Variants in TSPAN14 observed in about 807,000 individuals in gnomAD.
TSPAN14 encodes tetraspanin 14, also known as tetraspanin-14.
In TSPAN14, 16 loss-of-function variants were observed where a neutral mutation model predicts 36.6. The observed-to-expected ratio is 0.44, with a 90% CI of 0.30 to 0.66. The LOEUF (loss-of-function observed/expected upper bound fraction) is 0.66. Among genes scored for constraint, TSPAN14 ranks in the 30% least tolerant of loss-of-function variants. The pLI, the probability that TSPAN14 is intolerant of heterozygous loss-of-function variation, is 0.12. For synonymous variants in TSPAN14, 139 were observed against 143.8 expected, an observed-to-expected ratio of 0.97 and a Z score of 0.24; for missense variants, 231 against 355.1, an observed-to-expected ratio of 0.65 and a Z score of 2.81.
At chr10:80,521,241 C>T (rs1423975380) in exon 9 of TSPAN14, 4 of 171,554 alleles carry the variant, frequency 2.3e-5, no homozygotes, top group African/African-American at 7.2e-5. Context: ...AGCCAGCAGT[C>T]TCAGAGGAAC....
chr10:80,490,747 A>G (rs1318750286), intron 2 of TSPAN14, among the ~76,000 whole-genome samples: 1 of 152,164 alleles, frequency 6.6e-6, no homozygotes, highest in Non-Finnish European at 1.5e-5. Flanking sequence ...AGGAGAAGAA[A>G]AATTTGGACA....
intron 1 of TSPAN14, among the ~76,000 whole-genome samples, chr10:80,476,734 TTTTG>T (rs1242109636): frequency 6.6e-6 from 1 of 152,070 alleles, no homozygotes; most frequent in Non-Finnish European, 1.5e-5. Context: ...TTTTGTTTTG[TTTTG>T]TTTTTTTTTA....
chr10:80,504,473 T>A (rs950753509), intron 2 of TSPAN14, among the ~76,000 whole-genome samples: 6 of 152,242 alleles, frequency 3.9e-5, no homozygotes, highest in African/African-American at 1.4e-4. Flanking sequence ...CCATAGTCTC[T>A]CCAGGGTGGA....
chr10:80,507,097 C>A, intron 3 of TSPAN14, 131 bp from the exon 4 acceptor site: 2 of 1,232,794 alleles, frequency 1.6e-6, no homozygotes, highest in South Asian at 1.4e-5. Flanking sequence ...CGGACTCTGG[C>A]CTGGCTGTCA....
exon 9 of TSPAN14, chr10:80,518,111 G>T: frequency 2.2e-6 from 2 of 928,332 alleles, no homozygotes; most frequent in African/African-American, 1.7e-5. Context: ...AGCGTGACGT[G>T]ACCTCTCTGT....
chr10:80,511,584 A>C (rs1054354835), intron 5 of TSPAN14, among the ~76,000 whole-genome samples: 3 of 152,240 alleles, frequency 2.0e-5, no homozygotes, highest in Admixed American at 2.0e-4. Context: ...TGTGCCTGGC[A>C]GTGGGGCCAG....
chr10:80,487,316 C>T (rs1427916775), intron 1 of TSPAN14, among the ~76,000 whole-genome samples: 4 of 122,400 alleles, frequency 3.3e-5, no homozygotes, highest in Admixed American at 8.7e-5. Flanking sequence ...TCAGTATCAC[C>T]GTGGGGGCGG....
At chr10:80,511,366 T>G (rs1466164217) in intron 5 of TSPAN14, among the ~76,000 whole-genome samples, 1 of 152,164 alleles carries the variant, frequency 6.6e-6, no homozygotes, top group East Asian at 1.9e-4. Flanking sequence ...AAAGGGGAAT[T>G]CACTTGCAAG....
intron 1 of TSPAN14, among the ~76,000 whole-genome samples, chr10:80,477,607 G>T (rs1846992344): frequency 6.6e-6 from 1 of 152,184 alleles, no homozygotes; most frequent in Non-Finnish European, 1.5e-5. Context: ...GGGAACGTGG[G>T]CATCAGAGGT....
intron 1 of TSPAN14, among the ~76,000 whole-genome samples, chr10:80,474,700 ATCAC>A (rs1213841269): frequency 6.6e-6 from 1 of 152,118 alleles, no homozygotes; most frequent in Non-Finnish European, 1.5e-5. Flanking sequence ...CTCCAGGGAC[ATCAC>A]TCTCAGGAAG....
intron 1 of TSPAN14, among the ~76,000 whole-genome samples, chr10:80,473,949 TTCTC>T (rs1269567270): frequency 6.6e-6 from 1 of 152,074 alleles, no homozygotes; most frequent in Non-Finnish European, 1.5e-5. Context: ...GCCTTAGTGA[TTCTC>T]TCTCCTACTG....
intron 4 of TSPAN14, among the ~76,000 whole-genome samples, chr10:80,508,433 C>T (rs959418341): frequency 6.6e-6 from 1 of 152,094 alleles, no homozygotes; most frequent in Admixed American, 6.5e-5. Context: ...TATGCTTTTT[C>T]TTACTTTGAA....
At chr10:80,517,950 G>A (rs868739186) in exon 9 of TSPAN14, 1 of 1,565,360 alleles carries the variant, frequency 6.4e-7, no homozygotes, top group Non-Finnish European at 8.7e-7. Flanking sequence ...AGACATCGAG[G>A]CAGTGAAGGC....
chr10:80,492,897 T>C (rs184338579), intron 2 of TSPAN14, among the ~76,000 whole-genome samples: 1 of 152,220 alleles, frequency 6.6e-6, no homozygotes, highest in Non-Finnish European at 1.5e-5. Context: ...TTTTAAGCTC[T>C]CTTTCTGACT....
At chr10:80,474,114 C>A (rs1846717478) in intron 1 of TSPAN14, among the ~76,000 whole-genome samples, 1 of 152,144 alleles carries the variant, frequency 6.6e-6, no homozygotes, top group Non-Finnish European at 1.5e-5. Context: ...CCAGGTGCTA[C>A]TAGAGGTGCA....
chr10:80,483,710 A>G (rs905184859), intron 1 of TSPAN14, among the ~76,000 whole-genome samples: 2 of 151,970 alleles, frequency 1.3e-5, no homozygotes, highest in Non-Finnish European at 2.9e-5. Flanking sequence ...GTAGTTCGAG[A>G]TCAGCCTGGC....
intron 1 of TSPAN14, among the ~76,000 whole-genome samples, chr10:80,461,090 C>T (rs1219917643): frequency 6.6e-6 from 1 of 152,166 alleles, no homozygotes; most frequent in East Asian, 1.9e-4. Context: ...CTCCAGCCTA[C>T]CTTGTTCCTC....
At chr10:80,467,602 C>T (rs1846312905) in intron 1 of TSPAN14, among the ~76,000 whole-genome samples, 1 of 152,312 alleles carries the variant, frequency 6.6e-6, no homozygotes, top group South Asian at 2.1e-4. Flanking sequence ...TACCTGGAAT[C>T]TCTCTTGCCA....
chr10:80,511,495 G>T (rs1840616432), intron 5 of TSPAN14, among the ~76,000 whole-genome samples: 1 of 152,114 alleles, frequency 6.6e-6, no homozygotes, highest in Admixed American at 6.5e-5. Flanking sequence ...GTCTGAGGAG[G>T]CTGGAAGGAG....
Sources: allele counts gnomAD v4.1 joint callset (sites outside exome capture counted in the v4.1 genomes callset), GRCh38; gene constraint gnomAD v4.1.1; transcripts MANE v1.5; gene names NCBI Gene and HGNC (gene_info 2026-07-23, HGNC 2026-07-21).